Variants in ANP32B observed in about 807,000 individuals in gnomAD.
ANP32B encodes acidic leucine-rich nuclear phosphoprotein 32 family member B.
In ANP32B, 6 loss-of-function variants were observed where a neutral mutation model predicts 32.2. That is an observed-to-expected ratio of 0.19 (90% confidence interval 0.10 to 0.37). ANP32B has a LOEUF of 0.37. ANP32B is among the 10% of genes least tolerant of loss of function. The pLI is 1.00. For synonymous variants in ANP32B, 98 were observed against 105.8 expected, an observed-to-expected ratio of 0.93 and a Z score of 0.45; for missense variants, 204 against 289.2, an observed-to-expected ratio of 0.71 and a Z score of 2.14.
intron 3 of ANP32B, among the ~76,000 whole-genome samples, chr9:97,999,933 C>G (rs142293651): frequency 1.1e-4 from 16 of 152,232 alleles, no homozygotes; most frequent in Non-Finnish European, 1.6e-4. Context: ...TCTGTTGTCT[C>G]TATTCTGATG....
chr9:98,015,590 T>C lies in ANP32B; in HGVS notation c.*159T>C. ...AGAATAGTTCCTGTGACATTCCGCCTTCCTTCCATGTAGTCCCTCTTGGTA... is the reference window on the plus strand; with the variant it reads ...AGAATAGTTCCTGTGACATTCCGCCCTCCTTCCATGTAGTCCCTCTTGGTA... On this transcript the variant is annotated 3_prime_UTR_variant, in exon 7 of 7. Transcript: ENST00000339399. 3 of 1,358,232 alleles carry C rather than the reference T, an allele frequency of 2.2e-6. No individual in the cohort carries two copies. Among genetic ancestry groups the C allele is most frequent in the Non-Finnish European group, 2.9e-6 (3 of 1,048,752 alleles). The allele number at this position is 1,358,232 out of a possible 1,614,324, so 84.1% of individuals were successfully genotyped here.
intron 1 of ANP32B, among the ~76,000 whole-genome samples, chr9:97,991,643 A>G (rs145219730): frequency 3.7e-4 from 56 of 152,316 alleles, no homozygotes; most frequent in Admixed American, 6.5e-4. Context: ...AAAATGAACT[A>G]CTCATTTAAA....
rs972534827 is a variant in ANP32B at position 98,011,222 on chromosome 9, C to G, written c.518-49C>G. ...CCACAGATCCTCAACACTTTGTCCC[C>G]TGTGGAGCGTCGAGGATATTTAATG... On this transcript the variant is annotated intron_variant, in intron 4 of 6. Coordinates refer to ENST00000339399, the MANE Select transcript of ANP32B (RefSeq NM_006401.3). The G allele has an allele frequency of 1.7e-5, 26 of 1,539,232 alleles. No homozygotes were observed. The Admixed American group carries it at 1.8e-4, about 11-fold the overall frequency.
At position 97,984,133 on chromosome 9, in the gene ANP32B, G is replaced by C. The variant is rs1276950120; in HGVS notation, c.54+524G>C. 2.7e-5 allele frequency among the ~76,000 whole-genome samples: 4 copies of C among 150,156 alleles called. 1 individual carries two copies. In the East Asian group the frequency reaches 7.9e-4, roughly 30 times the overall value. ...CGCCGTGGGCGCCGGCCCGGCCGAG[G>C]TCAGCAGTCGTGGGGCGAGGAGGGG... is the stretch of plus-strand genomic sequence containing the variant. On this transcript the variant is annotated intron_variant, in intron 1 of 6. Coordinates refer to ENST00000339399, the MANE Select transcript of ANP32B (RefSeq NM_006401.3).
intron 1 of ANP32B, among the ~76,000 whole-genome samples, chr9:97,990,209 A>G (rs1223269391): frequency 6.6e-6 from 1 of 152,198 alleles, no homozygotes; most frequent in African/African-American, 2.4e-5. Context: ...CTAACTACTC[A>G]GTTATCACTG....
chr9:98,014,029 GTC>G (rs1447665620), intron 6 of ANP32B, among the ~76,000 whole-genome samples: 1 of 152,020 alleles, frequency 6.6e-6, no homozygotes, highest in East Asian at 1.9e-4. Context: ...TCATGGTTGT[GTC>G]TCAGAAAATC....
At position 98,004,332 on chromosome 9, in the gene ANP32B, A is replaced by G. The variant is rs181411207; in HGVS notation, c.328-632A>G. The stretch of plus-strand genomic sequence containing the variant: ...ATGTCAGTCTTTTCCCCAAATACTA[A>G]AAAAGAAGAGTGCAATGTTTCTCCG... On this transcript the variant is annotated intron_variant, in intron 3 of 6. Transcript: ENST00000339399. Among the ~76,000 whole-genome samples, 1,126 of 152,332 alleles carry G rather than the reference A, an allele frequency of 7.4e-3. 6 individuals carry two copies. Among genetic ancestry groups the G allele is most frequent in the South Asian group, 0.028 (134 of 4,830 alleles).
chr9:98,010,722 G>A (rs966819911), intron 4 of ANP32B, among the ~76,000 whole-genome samples: 2 of 152,112 alleles, frequency 1.3e-5, no homozygotes, highest in East Asian at 3.9e-4. Context: ...AGCTAGAGAT[G>A]CAGGTGCCTC....
chr9:98,010,043 A>G (rs943816899), intron 4 of ANP32B, among the ~76,000 whole-genome samples: 5 of 152,026 alleles, frequency 3.3e-5, no homozygotes, highest in African/African-American at 1.2e-4. Context: ...CTTGTTGTCT[A>G]TTTAAGTTCA....
chr9:98,005,712 T>G (rs950861653), intron 4 of ANP32B, among the ~76,000 whole-genome samples: 2 of 152,190 alleles, frequency 1.3e-5, no homozygotes, highest in Non-Finnish European at 2.9e-5. Flanking sequence ...GATGAGACAC[T>G]GAACCTGGCC....
At chr9:98,006,047 A>G (rs192016312) in intron 4 of ANP32B, among the ~76,000 whole-genome samples, 26 of 152,236 alleles carry the variant, frequency 1.7e-4, no homozygotes, top group African/African-American at 5.8e-4. Context: ...TGAGGGGGCT[A>G]GGTTGTGTGC....
chr9:98,011,145 A>G (rs1393272038), intron 4 of ANP32B, 126 bp from the exon 5 acceptor site: 1 of 1,379,416 alleles, frequency 7.2e-7, no homozygotes. Flanking sequence ...CACATAGTAG[A>G]AAGAAAGTGA....
intron 3 of ANP32B, among the ~76,000 whole-genome samples, chr9:98,001,894 G>A (rs1827999134): frequency 6.6e-6 from 1 of 152,070 alleles, no homozygotes; most frequent in South Asian, 2.1e-4. Flanking sequence ...AAATAGCATG[G>A]CCCTTGTTTT....
At chr9:97,998,435 A>C in intron 2 of ANP32B, 121 bp from the exon 3 acceptor site, 1 of 1,116,084 alleles carries the variant, frequency 9.0e-7, no homozygotes, top group South Asian at 1.9e-5. Context: ...CCCTAATAGA[A>C]ATAGGGATCA....
intron 3 of ANP32B, among the ~76,000 whole-genome samples, chr9:98,004,734 C>T (rs1055306707): frequency 6.6e-6 from 1 of 152,114 alleles, no homozygotes; most frequent in Non-Finnish European, 1.5e-5. Flanking sequence ...GACTACTATG[C>T]TGCCAGAAAA....
At chr9:98,012,091 A>C (rs942009356) in intron 5 of ANP32B, among the ~76,000 whole-genome samples, 1 of 152,224 alleles carries the variant, frequency 6.6e-6, no homozygotes, top group Non-Finnish European at 1.5e-5. Context: ...TTTGTATATG[A>C]ATGGGATATA....
intron 6 of ANP32B, among the ~76,000 whole-genome samples, chr9:98,013,060 G>A (rs1042968987): frequency 2.0e-5 from 3 of 152,152 alleles, no homozygotes; most frequent in African/African-American, 7.2e-5. Context: ...GTCTTGCTCT[G>A]TCGCCCAGTC....
chr9:97,986,246 G>A (rs1361203916), intron 1 of ANP32B, among the ~76,000 whole-genome samples: 1 of 152,264 alleles, frequency 6.6e-6, no homozygotes, highest in Non-Finnish European at 1.5e-5. Context: ...GACGTGACAA[G>A]TGGCTCGTGG....
chr9:97,985,673 C>T (rs755417263), intron 1 of ANP32B, among the ~76,000 whole-genome samples: 1 of 152,212 alleles, frequency 6.6e-6, no homozygotes, highest in African/African-American at 2.4e-5. Context: ...AGGATATGCT[C>T]AAACTAAAGG....
Sources: gnomAD v4.1 joint callset for allele counts (sites outside exome capture counted in the v4.1 genomes callset) on GRCh38, gnomAD v4.1.1 for gene constraint, MANE v1.5 for transcripts, NCBI Gene and HGNC (gene_info 2026-07-23, HGNC 2026-07-21) for gene names.